Variants in PNPLA7 observed in about 807,000 individuals in gnomAD.
The protein encoded by PNPLA7 is patatin-like phospholipase domain-containing protein 7.
Under a neutral mutation model 161.7 loss-of-function variants are expected in PNPLA7, and 153 were observed. The observed-to-expected ratio is 0.95, with a 90% CI of 0.83 to 1.08. The LOEUF is 1.08. Among genes scored for constraint, PNPLA7 ranks in the 50% least tolerant of loss-of-function variants. PNPLA7 has a pLI of 0.00. For synonymous variants in PNPLA7, 809 were observed against 782.1 expected, an observed-to-expected ratio of 1.03 and a Z score of -0.57; for missense variants, 1,739 against 1,856.6, an observed-to-expected ratio of 0.94 and a Z score of 1.16.
At chr9:137,481,216 C>T (rs992990546) in intron 21 of PNPLA7, among the ~76,000 whole-genome samples, 193 bp from the exon 22 acceptor site, 7 of 152,242 alleles carry the variant, frequency 4.6e-5, no homozygotes, top group Admixed American at 2.6e-4. Context: ...ACTGCCAAGC[C>T]TTCTTCACCT....
intron 19 of PNPLA7, among the ~76,000 whole-genome samples, chr9:137,493,479 T>C (rs1280271965): frequency 6.6e-6 from 1 of 152,252 alleles, no homozygotes; most frequent in African/African-American, 2.4e-5. Context: ...GGGCTCATTG[T>C]GGCTGTTGCT....
In PNPLA7 at chr9:137,550,305, C is replaced by G; in HGVS notation, c.-108G>C. The G allele has an allele frequency of 8.2e-7, 1 of 1,214,914 alleles. No homozygotes were observed. The highest frequency in any genetic ancestry group is 1.5e-5 in the African/African-American group (1 of 66,586). 75.3% of individuals were successfully genotyped at this position (1,214,914 alleles called of 1,614,324 possible). ...ACACCTGGACACTTTTCCCTGGGTTCCTTTCAAGTCAAATTATGTTTCACT... is the reference window on the plus strand; with the variant it reads ...ACACCTGGACACTTTTCCCTGGGTTGCTTTCAAGTCAAATTATGTTTCACT... On this transcript the variant is annotated 5_prime_UTR_variant, in exon 1 of 35. Coordinates refer to ENST00000406427, the MANE Select transcript of PNPLA7 (RefSeq NM_001098537.3).
Position 137,500,560 on chromosome 9 carries a change from G to A in PNPLA7, c.1757+131C>T, listed in dbSNP as rs997451092. ...ACAGACCTGGGCCCACACAGGTGCC[G>A]GGGACAAAGAGGGGAGCCCGAGAAG... On this transcript the variant is annotated intron_variant, in intron 16 of 34. Coordinates refer to ENST00000406427, the MANE Select transcript of PNPLA7 (RefSeq NM_001098537.3). The surrounding 1 kb of genome is among the most constrained non-coding windows in gnomAD (Gnocchi z 5.5). 477 of 863,770 alleles carry A rather than the reference G, an allele frequency of 5.5e-4. 2 individuals are homozygous for A. Among genetic ancestry groups the A allele is most frequent in the Middle Eastern group, 9.8e-4 (3 of 3,066 alleles). The allele number at this position is 863,770 out of a possible 1,614,324, so 53.5% of individuals were successfully genotyped here.
At chr9:137,536,796 G>A (rs1489325841) in intron 8 of PNPLA7, among the ~76,000 whole-genome samples, 4 of 151,682 alleles carry the variant, frequency 2.6e-5, no homozygotes, top group East Asian at 2.0e-4. Flanking sequence ...GCCATCCACC[G>A]AGCCACACTT....
At position 137,462,180 on chromosome 9, in the gene PNPLA7, C is replaced by G. The variant is rs763901755; in HGVS notation, c.3644G>C (p.Cys1215Ser). 2 of 1,563,452 alleles carry G rather than the reference C, an allele frequency of 1.3e-6. No homozygotes were observed. The highest frequency in any genetic ancestry group is 1.2e-5 in the South Asian group (1 of 85,096). Reference protein sequence around the residue: ...TLDFGKFNEICEVGYQHGRTV... With the variant: ...TLDFGKFNEISEVGYQHGRTV... ...CCGCCGCGGGTGGCCGGCACTCACG[C>G]AGATCTCGTTGAACTTGCCGAAGTC... Residue 1215 changes from cysteine (C) to serine (S), a missense_variant and splice_region_variant, in exon 31 of 35, where the codon TGC (cysteine) becomes TCC (serine). Cys to Ser is a moderately radical substitution (Grantham distance 112, BLOSUM62 -1). Around this residue, in one of 6 missense-constraint regions of PNPLA7, gnomAD observed 703 missense variants for 694.6 expected, o/e 1.01. Transcript: ENST00000406427.
chr9:137,494,987 C>T (rs1200614694), intron 19 of PNPLA7, 46 bp downstream of exon 19: 1 of 1,535,236 alleles, frequency 6.5e-7, no homozygotes, highest in African/African-American at 1.4e-5. Context: ...CCCTCATCCA[C>T]TCCACACCCT....
At chr9:137,511,692 C>T (rs1478801389) in intron 12 of PNPLA7, among the ~76,000 whole-genome samples, 6 of 152,258 alleles carry the variant, frequency 3.9e-5, no homozygotes, top group African/African-American at 7.2e-5. Context: ...GAGGCTTCAA[C>T]GTCTCCCTGT....
intron 14 of PNPLA7, among the ~76,000 whole-genome samples, chr9:137,504,086 G>GAAGAAGA (rs1470588814): frequency 0.014 from 1,743 of 120,674 alleles, 37 homozygotes; most frequent in African/African-American, 0.058. Flanking sequence ...GAAGAAGAAG[G>GAAGAAGA]AAGAAGAAGG....
intron 8 of PNPLA7, among the ~76,000 whole-genome samples, chr9:137,531,188 G>C (rs1835564487): frequency 6.6e-6 from 1 of 152,106 alleles, no homozygotes; most frequent in Non-Finnish European, 1.5e-5. Flanking sequence ...TCCAGCGACT[G>C]AAATCACGGC....
intron 8 of PNPLA7, among the ~76,000 whole-genome samples, chr9:137,534,354 CAGTG>C (rs1255027973): frequency 4.0e-5 from 6 of 151,190 alleles, no homozygotes; most frequent in African/African-American, 1.5e-4. Flanking sequence ...CCAGGCTCCT[CAGTG>C]AGTGTCCACT....
At chr9:137,480,853 C>T (rs957551605) in intron 22 of PNPLA7, 107 bp downstream of exon 22, 12 of 1,210,288 alleles carry the variant, frequency 9.9e-6, no homozygotes, top group Non-Finnish European at 1.3e-5. Flanking sequence ...GTGTGCTGGA[C>T]GAGGAGCACG....
chr9:137,478,277 G>A, intron 24 of PNPLA7, 125 bp from the exon 25 acceptor site: 1 of 669,152 alleles, frequency 1.5e-6, no homozygotes, highest in South Asian at 5.9e-5. Context: ...ATCCTCTCCA[G>A]CATGCAGCAG....
chr9:137,477,116 C>T (rs1280617096), intron 25 of PNPLA7, among the ~76,000 whole-genome samples: 1 of 152,258 alleles, frequency 6.6e-6, no homozygotes, highest in Non-Finnish European at 1.5e-5. Context: ...CCCTCGATGT[C>T]CTCCCTTCCT....
chr9:137,496,555 T>C (rs1833068646), intron 18 of PNPLA7, among the ~76,000 whole-genome samples: 1 of 151,702 alleles, frequency 6.6e-6, no homozygotes, highest in Non-Finnish European at 1.5e-5. Flanking sequence ...CTACTAAAAA[T>C]ACAAAATTAG....
chr9:137,491,164 G>C (rs568415840), intron 20 of PNPLA7, among the ~76,000 whole-genome samples: 135 of 152,314 alleles, frequency 8.9e-4, no homozygotes, highest in Middle Eastern at 6.8e-3. Flanking sequence ...GAGGCTGAGG[G>C]GGGGGGAATC....
intron 21 of PNPLA7, among the ~76,000 whole-genome samples, chr9:137,481,802 G>GAT (rs1169029233): frequency 9.9e-5 from 15 of 152,244 alleles, no homozygotes; most frequent in African/African-American, 3.4e-4. Context: ...TGGGTGTGGT[G>GAT]GCGGGCGCCT....
In PNPLA7 at chr9:137,497,227, C is replaced by T. The variant is rs578055213; in HGVS notation, c.1973G>A (p.Arg658His). The change falls in exon 18 of 35, where the codon CGC (arginine) becomes CAC (histidine). Residue 658 changes from arginine to histidine, a missense_variant. Transcript: ENST00000406427. ...TCCTCGGCCGTACTCCCCGGCCAGG[C>T]GCTTCTTCCCATCATCCTTCCGGAT... is the stretch of plus-strand genomic sequence containing the variant. ...SVIRKDDGKK[R>H]LAGEYGRGDL... 2.5e-5 allele frequency: 39 copies of T among 1,588,952 alleles called. No individual in the cohort carries two copies. Among genetic ancestry groups the T allele is most frequent in the African/African-American group, 1.2e-4 (9 of 73,944 alleles).
intron 21 of PNPLA7, among the ~76,000 whole-genome samples, chr9:137,481,370 G>C (rs1832211290): frequency 6.6e-6 from 1 of 152,254 alleles, no homozygotes; most frequent in East Asian, 1.9e-4. Context: ...GGCAGGGAAG[G>C]CTGTGCGATG....
At chr9:137,460,558 G>C (rs890339906) in intron 34 of PNPLA7, 76 bp downstream of exon 34, 33 of 1,597,312 alleles carry the variant, frequency 2.1e-5, no homozygotes, top group Non-Finnish European at 2.7e-5. Flanking sequence ...GGACCACAGG[G>C]AGGGAGTGGC....
Sources: gnomAD v4.1 joint callset for allele counts (sites outside exome capture counted in the v4.1 genomes callset) on GRCh38, gnomAD v4.1.1 for gene constraint, gnomAD v4.1.1 regional missense constraint, Gnocchi (gnomAD v3.1) non-coding constraint, MANE v1.5 for transcripts, NCBI Gene and HGNC (gene_info 2026-07-23, HGNC 2026-07-21) for gene names.